TACR1: variants seen among roughly 807,000 people sequenced by gnomAD.
TACR1 encodes the protein tachykinin receptor 1, also known as substance-P receptor.
Under a neutral mutation model 35.8 loss-of-function variants are expected in TACR1, and 25 were observed. That is an observed-to-expected ratio of 0.70 (90% confidence interval 0.51 to 0.98). TACR1 has a LOEUF of 0.98. Ranked by LOEUF, TACR1 falls within the 50% of genes least tolerant of loss-of-function variation. TACR1 has a pLI of 0.00. For missense variants in TACR1, 478 were observed against 522.9 expected (o/e 0.91, Z 0.84); for synonymous variants, 195 against 206.7 (o/e 0.94, Z 0.48).
chr2:75,107,331 CA>C (rs1264258855), intron 2 of TACR1, among the ~76,000 whole-genome samples: 10 of 151,854 alleles, frequency 6.6e-5, no homozygotes, highest in Non-Finnish European at 1.5e-4. Flanking sequence ...ATCAAAAATC[CA>C]TAACAGCAAC....
At chr2:75,051,702 C>G (rs553612325) in intron 3 of TACR1, among the ~76,000 whole-genome samples, 2 of 152,210 alleles carry the variant, frequency 1.3e-5, no homozygotes, top group Non-Finnish European at 2.9e-5. Flanking sequence ...AATGCAAATT[C>G]TTGGACCCTA....
chr2:75,059,943 C>G (rs1397475403), intron 2 of TACR1, among the ~76,000 whole-genome samples: 1 of 152,188 alleles, frequency 6.6e-6, no homozygotes, highest in Non-Finnish European at 1.5e-5. Flanking sequence ...TAAAAGAAAG[C>G]AATACTCATG....
Position 75,198,619 on chromosome 2 carries a change from T to C in TACR1, c.316A>G (p.Lys106Glu). Residue 106 changes from lysine (K) to glutamate (E), a missense_variant, in exon 1 of 5, where the codon AAG (lysine) becomes GAG (glutamate). Physicochemically the swap from Lys to Glu is moderately conservative, Grantham distance 56. Transcript: ENST00000305249. ...GCGATGGGAAAGAAGTTGTGGAACT[T>C]GCAGTAGAACAGGCCGTAGTACCAT... is the stretch of plus-strand genomic sequence containing the variant. ...NEWYYGLFYCKFHNFFPIAAV... is the reference protein window; with the variant it reads ...NEWYYGLFYCEFHNFFPIAAV... 6.2e-7 allele frequency: 1 copy of C among 1,614,178 alleles called. No homozygotes were observed. Among genetic ancestry groups the C allele is most frequent in the South Asian group, 1.1e-5 (1 of 91,070 alleles).
At chr2:75,147,816 T>TCACTGCAACCTCTGCCTCCC (rs1674546925) in intron 1 of TACR1, among the ~76,000 whole-genome samples, 1 of 151,534 alleles carries the variant, frequency 6.6e-6, no homozygotes, top group South Asian at 2.1e-4. Flanking sequence ...CAATCTTGGC[T>TCACTGCAACCTCTGCCTCCC]CACTGCAACC....
At chr2:75,076,330 C>T (rs374856429) in intron 2 of TACR1, among the ~76,000 whole-genome samples, 17 of 152,306 alleles carry the variant, frequency 1.1e-4, no homozygotes, top group African/African-American at 3.1e-4. Flanking sequence ...TTCCTGAAAA[C>T]GCCACTCTCA....
At chr2:75,139,522 C>T (rs993868876) in intron 1 of TACR1, among the ~76,000 whole-genome samples, 13 of 152,230 alleles carry the variant, frequency 8.5e-5, no homozygotes, top group South Asian at 2.1e-4. Flanking sequence ...CGTTGGAACA[C>T]GGGCTTAGCT....
At chr2:75,097,197 C>G (rs1673440064) in intron 2 of TACR1, among the ~76,000 whole-genome samples, 2 of 152,164 alleles carry the variant, frequency 1.3e-5, no homozygotes, top group South Asian at 4.1e-4. Flanking sequence ...ATTAATTTTT[C>G]ATGGGAGTGA....
chr2:75,069,130 C>T (rs950664670), intron 2 of TACR1, among the ~76,000 whole-genome samples: 26 of 152,140 alleles, frequency 1.7e-4, no homozygotes, highest in African/African-American at 6.3e-4. Flanking sequence ...GCTCTCTTGT[C>T]TGCCACCATG....
intron 1 of TACR1, among the ~76,000 whole-genome samples, chr2:75,191,202 T>C (rs1183853716): frequency 6.6e-6 from 1 of 152,310 alleles, no homozygotes; most frequent in East Asian, 1.9e-4. Context: ...ACGTGGGACT[T>C]CACATGCACC....
At position 75,120,728 on chromosome 2, in the gene TACR1, C is replaced by A. The variant is rs375620736; in HGVS notation, c.430G>T (p.Ala144Ser). 3.1e-6 allele frequency: 5 copies of A among 1,613,686 alleles called. No homozygotes were observed. Among genetic ancestry groups the A allele is most frequent in the Non-Finnish European group, 4.2e-6 (5 of 1,179,872 alleles). Residue 144 changes from alanine (A) to serine (S), a missense_variant, in exon 2 of 5, where the codon GCC becomes TCC. Coordinates refer to ENST00000305249, the MANE Select transcript of TACR1 (RefSeq NM_001058.4). ...CAGATGACCACTTTGGTGGCTGTGG[C>A]TGACAGCCGGGGCTGGAGGGGATGT... ...IIHPLQPRLS[A>S]TATKVVICVI...
chr2:75,173,607 C>T (rs186950873), intron 1 of TACR1, among the ~76,000 whole-genome samples: 2 of 152,342 alleles, frequency 1.3e-5, no homozygotes, highest in Admixed American at 1.3e-4. Context: ...AATTTAGCAG[C>T]TGCCATCTCT....
At chr2:75,060,765 G>C (rs557616334) in intron 2 of TACR1, among the ~76,000 whole-genome samples, 1 of 152,316 alleles carries the variant, frequency 6.6e-6, no homozygotes, top group African/African-American at 2.4e-5. Context: ...GTGAGCCTTT[G>C]GGGTGCTCTG....
chr2:75,119,596 A>G (rs1673924126), intron 2 of TACR1, among the ~76,000 whole-genome samples: 1 of 152,178 alleles, frequency 6.6e-6, no homozygotes. Flanking sequence ...ATGTTGTTTC[A>G]AGGATAAGAA....
chr2:75,193,646 G>GTCATTTCT (rs1276369410), intron 1 of TACR1, among the ~76,000 whole-genome samples: 1 of 151,978 alleles, frequency 6.6e-6, no homozygotes, highest in Non-Finnish European at 1.5e-5. Context: ...TACCTGAAAG[G>GTCATTTCT]TCATTTCTTT....
At chr2:75,139,685 A>C (rs556043808) in intron 1 of TACR1, among the ~76,000 whole-genome samples, 8 of 152,342 alleles carry the variant, frequency 5.3e-5, no homozygotes, top group Admixed American at 4.6e-4. Flanking sequence ...ATCAGTGTTC[A>C]ATATTCTGGT....
intron 2 of TACR1, among the ~76,000 whole-genome samples, chr2:75,068,499 G>T (rs550368199): frequency 1.3e-4 from 20 of 152,286 alleles, no homozygotes; most frequent in African/African-American, 4.6e-4. Flanking sequence ...CCCAGGGCAT[G>T]ATTTGGAAGC....
At chr2:75,075,495 A>C (rs1232935499) in intron 2 of TACR1, among the ~76,000 whole-genome samples, 3 of 152,220 alleles carry the variant, frequency 2.0e-5, no homozygotes, top group Non-Finnish European at 4.4e-5. Context: ...AGTTCACAAG[A>C]TGGGTGTTAG....
Position 75,199,177 on chromosome 2 carries a change from G to C in TACR1, c.-243C>G. ...CACTTTCAAGCTTCAGGAGACGTTT[G>C]AGTTCAGAAGTCTGGAGACAGCATC... On this transcript the variant is annotated 5_prime_UTR_variant, in exon 1 of 5. Transcript: ENST00000305249. 2.0e-6 allele frequency: 1 copy of C among 509,146 alleles called. No individual in the cohort carries two copies. The highest frequency in any genetic ancestry group is 3.0e-5 in the South Asian group (1 of 33,732). The allele number at this position is 509,146 out of a possible 1,614,324, so 31.5% of individuals were successfully genotyped here.
chr2:75,079,842 G>T (rs763480673), intron 2 of TACR1, among the ~76,000 whole-genome samples: 9 of 150,926 alleles, frequency 6.0e-5, no homozygotes, highest in Non-Finnish European at 1.3e-4. Flanking sequence ...CAATGTTCTG[G>T]AGTATTGATC....
Sources: allele counts gnomAD v4.1 joint callset (sites outside exome capture counted in the v4.1 genomes callset), GRCh38; gene constraint gnomAD v4.1.1; transcripts MANE v1.5; gene names NCBI Gene and HGNC (gene_info 2026-07-23, HGNC 2026-07-21).